Variants in TASP1 observed in about 807,000 individuals in gnomAD.
TASP1 encodes the protein taspase 1, also known as threonine aspartase 1.
Under a neutral mutation model 56.6 loss-of-function variants are expected in TASP1, and 16 were observed. The ratio of observed to expected loss-of-function variants is 0.28; its 90% CI spans 0.19 to 0.43. The LOEUF is 0.43. Ranked by LOEUF, TASP1 falls within the 20% of genes least tolerant of loss-of-function variation. The pLI is 1.00. For synonymous variants in TASP1, 179 were observed against 184.2 expected (o/e 0.97, Z 0.23); for missense variants, 393 against 511.6 (o/e 0.77, Z 2.24).
At chr20:13,533,456 G>C (rs929177326) in intron 9 of TASP1, among the ~76,000 whole-genome samples, 1 of 152,058 alleles carries the variant, frequency 6.6e-6, no homozygotes, top group African/African-American at 2.4e-5. Flanking sequence ...AGTGAACTGG[G>C]GACAAGCAAA....
At chr20:13,415,788 A>G (rs6042081) in intron 13 of TASP1, among the ~76,000 whole-genome samples, 10,700 of 152,232 alleles carry the variant, frequency 0.07, 605 homozygotes, top group African/African-American at 0.16. Context: ...AAGGGACTTA[A>G]TAACATAATC....
chr20:13,127,073 T>C, the TASP1 span, among the ~76,000 whole-genome samples: 1 of 152,240 alleles, frequency 6.6e-6, no homozygotes, highest in African/African-American at 2.4e-5. Flanking sequence ...AAGACCAAAG[T>C]AGCCAATTTA....
At chr20:13,167,066 T>C in the TASP1 span, 1 of 152,294 alleles carries the variant, frequency 6.6e-6, no homozygotes, top group South Asian at 2.1e-4. Flanking sequence ...ACTGTTGATA[T>C]ACAGGTATAA....
the TASP1 span, chr20:13,244,063 G>T: frequency 1.3e-5 from 2 of 152,190 alleles, no homozygotes; most frequent in African/African-American, 4.8e-5. Flanking sequence ...AGAGAGCCCT[G>T]TTAGCCAGTT....
the TASP1 span, among the ~76,000 whole-genome samples, chr20:13,257,068 C>T: frequency 6.6e-6 from 1 of 152,108 alleles, no homozygotes; most frequent in Admixed American, 6.5e-5. Context: ...GTTTTTACCA[C>T]ACAGATGCTA....
In TASP1 at chr20:13,528,479, T is replaced by G; in HGVS notation, c.828A>C (p.Glu276Asp). 1 of 1,610,452 alleles carries G rather than the reference T, an allele frequency of 6.2e-7. No individual in the cohort carries two copies. Among genetic ancestry groups the G allele is most frequent in the Non-Finnish European group, 8.5e-7 (1 of 1,178,064 alleles). ...AGTAGGGGTTATGAGCTCCAGTATT[T>G]TCAGCCCAGCAGCCACATCCATAAA... ...AALYGCGCWA[E>D]NTGAHNPYST... The change falls in exon 10 of 14, where the codon GAA becomes GAC. Residue 276 changes from glutamate (E) to aspartate (D), a missense_variant. Transcript: ENST00000337743.
At chr20:13,372,337 T>C in the TASP1 span, among the ~76,000 whole-genome samples, 1 of 152,182 alleles carries the variant, frequency 6.6e-6, no homozygotes, top group Non-Finnish European at 1.5e-5. Flanking sequence ...TCAGACATCA[T>C]TGGCACTATC....
At chr20:13,622,070 C>T (rs939811164) in intron 4 of TASP1, among the ~76,000 whole-genome samples, 6 of 152,166 alleles carry the variant, frequency 3.9e-5, no homozygotes, top group Non-Finnish European at 8.8e-5. Flanking sequence ...TAAAACTTGT[C>T]ATTAATAGTT....
the TASP1 span, among the ~76,000 whole-genome samples, chr20:13,373,967 C>A: frequency 6.6e-6 from 1 of 152,016 alleles, no homozygotes; most frequent in Non-Finnish European, 1.5e-5. Context: ...ATGGTATAAT[C>A]CCTATCAGTC....
chr20:13,340,489 CT>C, the TASP1 span, among the ~76,000 whole-genome samples: 24,858 of 142,832 alleles, frequency 0.17, 2,653 homozygotes, highest in African/African-American at 0.31. Context: ...AGTGTGTTTG[CT>C]TTTTTTTTTT....
the TASP1 span, among the ~76,000 whole-genome samples, chr20:13,298,482 G>A: frequency 5.0e-3 from 762 of 152,232 alleles, 9 homozygotes; most frequent in African/African-American, 0.017. Flanking sequence ...AGTGATAATC[G>A]GATCACGGTT....
At chr20:13,190,643 TTGGGTAAACAC>T in the TASP1 span, among the ~76,000 whole-genome samples, 2 of 152,038 alleles carry the variant, frequency 1.3e-5, no homozygotes, top group African/African-American at 2.4e-5. Flanking sequence ...GAAGAAAACA[TTGGGTAAACAC>T]TTTAGGACAC....
At chr20:13,274,192 A>G in the TASP1 span, among the ~76,000 whole-genome samples, 1 of 152,074 alleles carries the variant, frequency 6.6e-6, no homozygotes, top group South Asian at 2.1e-4. Flanking sequence ...CCTTTAAAAC[A>G]TGAGGTGCTT....
chr20:13,326,735 A>G, the TASP1 span, among the ~76,000 whole-genome samples: 2,894 of 152,280 alleles, frequency 0.019, 98 homozygotes, highest in African/African-American at 0.06. Context: ...CAATAGATGA[A>G]GAAGAGGCCT....
the TASP1 span, among the ~76,000 whole-genome samples, chr20:13,344,744 T>C: frequency 6.6e-6 from 1 of 152,186 alleles, no homozygotes; most frequent in Non-Finnish European, 1.5e-5. Flanking sequence ...GAGGGCCTTG[T>C]ATTCCCAACG....
At chr20:13,125,195 G>T in the TASP1 span, among the ~76,000 whole-genome samples, 1 of 152,156 alleles carries the variant, frequency 6.6e-6, no homozygotes, top group Non-Finnish European at 1.5e-5. Context: ...GATTACTGGA[G>T]CTTCTTAGGG....
the TASP1 span, among the ~76,000 whole-genome samples, chr20:13,221,212 C>CCCTCCTCCTCCTCCTCCTCCTCCT: frequency 1.6e-3 from 130 of 78,898 alleles, 12 homozygotes; most frequent in African/African-American, 4.3e-3. Context: ...GCAGCTGAAG[C>CCCTCCTCCTCCTCCTCCTCCTCCT]CCTCCTACTC....
intron 10 of TASP1, among the ~76,000 whole-genome samples, chr20:13,514,456 C>T (rs1247659257): frequency 1.3e-5 from 2 of 152,060 alleles, no homozygotes; most frequent in Non-Finnish European, 2.9e-5. Flanking sequence ...GTTTCTCCTC[C>T]ATAAGGAAAG....
chr20:13,478,065 A>AG (rs1337524968), intron 11 of TASP1, among the ~76,000 whole-genome samples: 1 of 152,178 alleles, frequency 6.6e-6, no homozygotes, highest in Non-Finnish European at 1.5e-5. Flanking sequence ...TTGCAGTAAG[A>AG]GAAAAAAATC....
Sources: gnomAD v4.1 joint callset for allele counts (sites outside exome capture counted in the v4.1 genomes callset) on GRCh38, gnomAD v4.1.1 for gene constraint, MANE v1.5 for transcripts, NCBI Gene and HGNC (gene_info 2026-07-23, HGNC 2026-07-21) for gene names.